Variants in EBF2 observed in about 807,000 individuals in gnomAD.
EBF2 encodes transcription factor COE2.
A neutral mutation model predicts 72.8 loss-of-function variants in EBF2; 21 were observed. The observed-to-expected ratio is 0.29, with a 90% CI of 0.20 to 0.42. The LOEUF (loss-of-function observed/expected upper bound fraction) is 0.42, where lower values mean the gene tolerates loss of function less well. Among genes scored for constraint, EBF2 ranks in the 10% least tolerant of loss-of-function variants. The pLI is 1.00. For synonymous variants in EBF2, 299 were observed against 274.2 expected (o/e 1.09, Z -0.89); for missense variants, 637 against 731.2 (o/e 0.87, Z 1.49).
intron 6 of EBF2, among the ~76,000 whole-genome samples, chr8:26,011,462 CT>C (rs5890277): frequency 0.96 from 140,549 of 146,410 alleles, 67,481 homozygotes; most frequent in East Asian, 0.99. Flanking sequence ...CTTCAGGTGG[CT>C]TTTTTTTTTT....
chr8:25,975,093 A>C (rs935295509), intron 6 of EBF2, among the ~76,000 whole-genome samples: 4 of 152,144 alleles, frequency 2.6e-5, no homozygotes, highest in African/African-American at 9.7e-5. Context: ...CCCACTCCTA[A>C]AACACCATAC....
chr8:25,961,137 CAAGTA>C (rs1804027726), intron 6 of EBF2, among the ~76,000 whole-genome samples: 1 of 151,972 alleles, frequency 6.6e-6, no homozygotes. Flanking sequence ...CAGAAAGTAA[CAAGTA>C]AAAACCAAAA....
intron 6 of EBF2, among the ~76,000 whole-genome samples, chr8:25,912,468 A>G (rs1170523498): frequency 1.2e-5 from 1 of 83,534 alleles, no homozygotes; most frequent in Non-Finnish European, 2.3e-5. Flanking sequence ...TAAAAATGGC[A>G]CACACACACA....
chr8:25,875,337 T>C (rs538571660), intron 10 of EBF2, among the ~76,000 whole-genome samples: 2 of 152,328 alleles, frequency 1.3e-5, no homozygotes, highest in African/African-American at 4.8e-5. Flanking sequence ...GGTAAGTATA[T>C]CCTCATTTTT....
chr8:25,878,910 T>G (rs1563386236), intron 10 of EBF2, among the ~76,000 whole-genome samples: 2 of 152,232 alleles, frequency 1.3e-5, no homozygotes. Flanking sequence ...CTGGAAATAC[T>G]TTGTACCTGA....
intron 6 of EBF2, among the ~76,000 whole-genome samples, chr8:25,912,131 A>G (rs569687792): frequency 1.2e-4 from 18 of 152,214 alleles, no homozygotes; most frequent in African/African-American, 4.3e-4. Context: ...TGCCCAATAC[A>G]CAACACTGTA....
intron 7 of EBF2, among the ~76,000 whole-genome samples, chr8:25,907,419 C>CAAAAAAAAAAAAAAAA (rs55695734): frequency 3.5e-5 from 1 of 28,874 alleles, no homozygotes; most frequent in Admixed American, 5.9e-4. Flanking sequence ...GACCCTGCCT[C>CAAAAAAAAAAAAAAAA]AAAAAAAAAA....
intron 6 of EBF2, among the ~76,000 whole-genome samples, chr8:26,002,171 A>G (rs891310690): frequency 2.0e-5 from 3 of 152,198 alleles, no homozygotes; most frequent in African/African-American, 7.2e-5. Flanking sequence ...GCCCAGGGCC[A>G]GGATCCCACT....
chr8:26,042,272 G>A (rs1805614420), intron 1 of EBF2, 21 bp from the exon 2 acceptor site: 1 of 1,603,894 alleles, frequency 6.2e-7, no homozygotes. Context: ...AGAAAAACGG[G>A]GGAACACAAG....
chr8:26,006,508 T>C (rs1304012549), intron 6 of EBF2, among the ~76,000 whole-genome samples: 1 of 152,224 alleles, frequency 6.6e-6, no homozygotes, highest in Non-Finnish European at 1.5e-5. Flanking sequence ...AACATCTTCA[T>C]GGATGTAGGG....
intron 6 of EBF2, among the ~76,000 whole-genome samples, chr8:25,954,092 A>C (rs1803904923): frequency 6.6e-6 from 1 of 152,212 alleles, no homozygotes; most frequent in African/African-American, 2.4e-5. Flanking sequence ...AGAATAAATA[A>C]TCTATCATGC....
intron 6 of EBF2, among the ~76,000 whole-genome samples, chr8:25,971,500 C>T (rs891782558): frequency 2.6e-5 from 4 of 152,236 alleles, no homozygotes; most frequent in East Asian, 1.9e-4. Flanking sequence ...CCAAGCACCG[C>T]GCTCTGGGTT....
chr8:25,992,807 G>A (rs765075064), intron 6 of EBF2, among the ~76,000 whole-genome samples: 3 of 151,878 alleles, frequency 2.0e-5, no homozygotes, highest in Non-Finnish European at 2.9e-5. Context: ...AGGAGGCTGA[G>A]GTGGGAGGAT....
chr8:26,041,975 CGATTTATCATCCCT>C (rs1585238926), intron 2 of EBF2, 106 bp downstream of exon 2: 1 of 1,433,044 alleles, frequency 7.0e-7, no homozygotes, highest in East Asian at 2.3e-5. Context: ...TGAGTAGCCT[CGATTTATCATCCCT>C]GATGGTGAGA....
intron 6 of EBF2, among the ~76,000 whole-genome samples, chr8:25,922,828 T>G (rs569681010): frequency 6.6e-6 from 1 of 152,038 alleles, no homozygotes; most frequent in South Asian, 2.1e-4. Context: ...ATTGACACGC[T>G]CAGTATCCAA....
intron 14 of EBF2, among the ~76,000 whole-genome samples, chr8:25,857,390 C>T (rs182993918): frequency 1.2e-4 from 19 of 152,246 alleles, no homozygotes; most frequent in African/African-American, 2.9e-4. Flanking sequence ...CTATGGTGGA[C>T]GTGGCTGCAT....
At chr8:25,877,601 G>A (rs187379231) in intron 10 of EBF2, among the ~76,000 whole-genome samples, 1 of 152,192 alleles carries the variant, frequency 6.6e-6, no homozygotes, top group Non-Finnish European at 1.5e-5. Flanking sequence ...CCTAATAATG[G>A]GCTTGGCTCT....
chr8:25,875,961 C>T (rs779703430), intron 10 of EBF2, among the ~76,000 whole-genome samples: 20 of 152,068 alleles, frequency 1.3e-4, no homozygotes, highest in Non-Finnish European at 2.6e-4. Context: ...TACATGCACG[C>T]GTATGTTTGT....
chr8:25,858,067 C>T (rs1046748329), intron 14 of EBF2: 1 of 630,924 alleles, frequency 1.6e-6, no homozygotes, highest in Non-Finnish European at 2.9e-6. Context: ...ACACAGGCCA[C>T]ACATGCTCTT....
Sources: gnomAD v4.1 joint callset for allele counts (sites outside exome capture counted in the v4.1 genomes callset) on GRCh38, gnomAD v4.1.1 for gene constraint, MANE v1.5 for transcripts, NCBI Gene and HGNC (gene_info 2026-07-23, HGNC 2026-07-21) for gene names.